Variants in KIF13B observed in about 807,000 individuals in gnomAD.
The protein encoded by KIF13B is kinesin-like protein KIF13B.
KIF13B carries 127 observed loss-of-function variants against 222.0 expected under a neutral mutation model. The ratio of observed to expected loss-of-function variants is 0.57; its 90% CI spans 0.50 to 0.66. The LOEUF (loss-of-function observed/expected upper bound fraction) is 0.66. KIF13B is among the 30% of genes least tolerant of loss of function. The probability of loss-of-function intolerance (pLI) is 0.00; values close to 1 mark genes in which losing one functional copy is unlikely to be tolerated. For synonymous variants in KIF13B, 976 were observed against 919.0 expected (o/e 1.06, Z -1.12); for missense variants, 2,173 against 2,379.0 (o/e 0.91, Z 1.80).
intron 11 of KIF13B, among the ~76,000 whole-genome samples, chr8:29,166,677 G>A (rs1042296687): frequency 2.7e-5 from 4 of 148,112 alleles, no homozygotes; most frequent in South Asian, 4.3e-4. Flanking sequence ...GCACTCCAGC[G>A]TGGGCAACAA....
intron 1 of KIF13B, among the ~76,000 whole-genome samples, chr8:29,260,450 A>G (rs999866323): frequency 2.0e-5 from 3 of 152,332 alleles, no homozygotes; most frequent in Middle Eastern, 6.8e-3. Context: ...CCTATATGAT[A>G]GAAACTATTA....
chr8:29,249,856 C>T, intron 1 of KIF13B: 1 of 380,434 alleles, frequency 2.6e-6, no homozygotes, highest in Non-Finnish European at 5.0e-6. Flanking sequence ...CAAATCTGTT[C>T]TACCATGGTC....
chr8:29,209,067 A>G (rs1008089485), intron 2 of KIF13B, among the ~76,000 whole-genome samples: 2 of 152,238 alleles, frequency 1.3e-5, no homozygotes, highest in Non-Finnish European at 2.9e-5. Context: ...GGTAAGAAGT[A>G]GAGCCACTGA....
chr8:29,185,145 G>A (rs1812873249), intron 6 of KIF13B, among the ~76,000 whole-genome samples: 1 of 152,016 alleles, frequency 6.6e-6, no homozygotes, highest in South Asian at 2.1e-4. Flanking sequence ...TGAACTGCTG[G>A]ATCATTCTCC....
At chr8:29,074,550 G>A (rs1410740718) in intron 38 of KIF13B, among the ~76,000 whole-genome samples, 2 of 152,244 alleles carry the variant, frequency 1.3e-5, no homozygotes, top group Non-Finnish European at 2.9e-5. Flanking sequence ...GCCTTCACTG[G>A]CAAGGGGCTT....
intron 37 of KIF13B, among the ~76,000 whole-genome samples, chr8:29,089,209 G>A (rs1358807785): frequency 6.6e-6 from 1 of 152,202 alleles, no homozygotes; most frequent in Non-Finnish European, 1.5e-5. Context: ...TACCAGACGG[G>A]AGGACTTGAG....
At position 29,070,691 on chromosome 8, in the gene KIF13B, C is replaced by G. The variant is rs369595297; in HGVS notation, c.5294G>C (p.Ser1765Thr). ...AGGGCCCGTGGCCCTGCGGACCCGG[C>G]TGGGCCTGACCAGCAGCCCGTAGCC... ...NPGYGLLVRP[S>T]RVRRATGPVR... is the part of the protein sequence containing the mutation. Residue 1765 changes from serine to threonine, a missense_variant, in exon 40 of 40, where the codon AGC (serine) becomes ACC (threonine). Coordinates refer to ENST00000524189, the MANE Select transcript of KIF13B (RefSeq NM_015254.4). This position sits in a 1 kb window ranked among gnomAD's most constrained non-coding sequence, Gnocchi z 4.1. 2.9e-5 allele frequency: 45 copies of G among 1,560,966 alleles called. 1 individual carries two copies. The highest frequency in any genetic ancestry group is 3.8e-5 in the Non-Finnish European group (44 of 1,153,106).
intron 34 of KIF13B, 39 bp downstream of exon 34, chr8:29,109,395 G>A (rs1434075429): frequency 6.8e-7 from 1 of 1,477,808 alleles, no homozygotes; most frequent in African/African-American, 1.4e-5. Context: ...GAGGAGAGAA[G>A]TCCCAGGCAC....
At chr8:29,149,423 A>G (rs1310462315) in intron 15 of KIF13B, among the ~76,000 whole-genome samples, 1 of 152,200 alleles carries the variant, frequency 6.6e-6, no homozygotes, top group Admixed American at 6.5e-5. Context: ...ACCAGTGACA[A>G]TAACAAGAGA....
chr8:29,083,030 G>C (rs1399347724), intron 37 of KIF13B, among the ~76,000 whole-genome samples: 2 of 152,026 alleles, frequency 1.3e-5, no homozygotes, highest in Non-Finnish European at 2.9e-5. Flanking sequence ...TTGGGAGGCT[G>C]AGATGGGAGA....
intron 2 of KIF13B, among the ~76,000 whole-genome samples, chr8:29,208,007 T>C (rs1814031691): frequency 6.6e-6 from 1 of 152,198 alleles, no homozygotes; most frequent in African/African-American, 2.4e-5. Context: ...CACAAGTCCT[T>C]GCCCTCAAGG....
At chr8:29,092,517 T>C (rs986414849) in intron 37 of KIF13B, among the ~76,000 whole-genome samples, 4 of 152,268 alleles carry the variant, frequency 2.6e-5, no homozygotes, top group Non-Finnish European at 5.9e-5. Context: ...ACATTAGCAG[T>C]GTCCTTGGCA....
intron 36 of KIF13B, among the ~76,000 whole-genome samples, chr8:29,094,086 A>T (rs1324654294): frequency 6.6e-6 from 1 of 152,196 alleles, no homozygotes; most frequent in Non-Finnish European, 1.5e-5. Flanking sequence ...AATGAATCAA[A>T]GGCCGCACAT....
chr8:29,118,077 G>C (rs1380490284), intron 30 of KIF13B, among the ~76,000 whole-genome samples: 4 of 151,960 alleles, frequency 2.6e-5, no homozygotes, highest in Admixed American at 1.3e-4. Context: ...AGGATCACTT[G>C]AACCCAGGAG....
In KIF13B at chr8:29,080,786, G is replaced by A. The variant is rs569714985; in HGVS notation, c.4459-5443C>T. ...GACTGGTGGCTGCCGACCCCCGCCC[G>A]AGCCACTGTGCCCCTGCCTGCCACA... On this transcript the variant is annotated intron_variant, in intron 37 of 39. Coordinates refer to ENST00000524189, the MANE Select transcript of KIF13B (RefSeq NM_015254.4). 5.0e-4 allele frequency among the ~76,000 whole-genome samples: 76 copies of A among 152,158 alleles called. 1 individual carries two copies. Among genetic ancestry groups the A allele is most frequent in the African/African-American group, 1.5e-3 (62 of 41,524 alleles).
In KIF13B at chr8:29,229,801, G is replaced by C. The variant is rs185134779; in HGVS notation, c.149+15545C>G. On this transcript the variant is annotated intron_variant, in intron 2 of 39. Transcript: ENST00000524189. ...CTGGGGCATCAAGAAACTACACTTAGATCTACAGCTTAAACAGCTATGATT... is the reference window on the plus strand; with the variant it reads ...CTGGGGCATCAAGAAACTACACTTACATCTACAGCTTAAACAGCTATGATT... Among the ~76,000 whole-genome samples the C allele has an allele frequency of 3.3e-5, 5 of 152,268 alleles. No homozygotes were observed. The East Asian group carries it at 9.6e-4, about 29-fold the overall frequency.
rs147927046 is a variant in KIF13B at position 29,074,054 on chromosome 8, G to A, written c.4521+1227C>T. On this transcript the variant is annotated intron_variant, in intron 38 of 39. Transcript: ENST00000524189. The stretch of plus-strand genomic sequence containing the variant: ...GAGAATACGCAAAACTATGAGAGCC[G>A]GGAATCTGAACGGTAACCAGGGTCC... Among the ~76,000 whole-genome samples the A allele has an allele frequency of 1.6e-4, 24 of 152,264 alleles. No homozygotes were observed. In the East Asian group the frequency reaches 4.2e-3, roughly 27 times the overall value.
At chr8:29,155,055 A>T (rs1811457735) in intron 14 of KIF13B, among the ~76,000 whole-genome samples, 1 of 152,224 alleles carries the variant, frequency 6.6e-6, no homozygotes, top group South Asian at 2.1e-4. Flanking sequence ...AAGGAAACAA[A>T]GTGACAAACG....
At chr8:29,250,780 G>A (rs1321225857) in intron 1 of KIF13B, among the ~76,000 whole-genome samples, 1 of 152,148 alleles carries the variant, frequency 6.6e-6, no homozygotes, top group Non-Finnish European at 1.5e-5. Flanking sequence ...AAGCTTAAGG[G>A]TCAGATATAT....
Sources: gnomAD v4.1 joint callset for allele counts (sites outside exome capture counted in the v4.1 genomes callset) on GRCh38, gnomAD v4.1.1 for gene constraint, Gnocchi (gnomAD v3.1) non-coding constraint, MANE v1.5 for transcripts, NCBI Gene and HGNC (gene_info 2026-07-23, HGNC 2026-07-21) for gene names.